SLC8A1: variants seen among roughly 807,000 people sequenced by gnomAD.
The protein encoded by SLC8A1 is solute carrier family 8 member A1, also known as sodium/calcium exchanger 1.
A neutral mutation model predicts 68.3 loss-of-function variants in SLC8A1; 18 were observed. The observed-to-expected ratio is 0.26, with a 90% CI of 0.18 to 0.39. The LOEUF is 0.39. SLC8A1 is among the 10% of genes least tolerant of loss of function. The pLI is 1.00. For synonymous variants in SLC8A1, 475 were observed against 415.5 expected (o/e 1.14, Z -1.74); for missense variants, 985 against 1,156.7 (o/e 0.85, Z 2.15).
exon 8 of SLC8A1, chr2:40,107,881 T>G (rs572176042): frequency 5.3e-5 from 8 of 152,322 alleles, no homozygotes; most frequent in African/African-American, 1.9e-4. Flanking sequence ...TTATAAATAT[T>G]TTTTAAAAAT....
intron 2 of SLC8A1, among the ~76,000 whole-genome samples, chr2:40,203,344 G>T (rs959505256): frequency 1.3e-5 from 2 of 152,018 alleles, no homozygotes; most frequent in Admixed American, 6.6e-5. Flanking sequence ...AACAGCTAAA[G>T]AACTTTGTTG....
At chr2:40,168,490 T>A (rs892464850) in intron 4 of SLC8A1, among the ~76,000 whole-genome samples, 1 of 152,212 alleles carries the variant, frequency 6.6e-6, no homozygotes, top group East Asian at 1.9e-4. Context: ...GGCAGCTGTA[T>A]AGATTCTATT....
exon 8 of SLC8A1, chr2:40,097,565 C>T (rs551857477): frequency 6.6e-6 from 1 of 152,056 alleles, no homozygotes; most frequent in East Asian, 1.9e-4. Context: ...TCTCAGGCAG[C>T]ATGCAGGAAG....
intron 2 of SLC8A1, among the ~76,000 whole-genome samples, chr2:40,423,093 G>A (rs1695950996): frequency 6.6e-6 from 1 of 152,054 alleles, no homozygotes; most frequent in African/African-American, 2.4e-5. Context: ...ATGTATTCAG[G>A]TTGGTTTAAG....
intron 2 of SLC8A1, among the ~76,000 whole-genome samples, chr2:40,218,738 A>T (rs191373098): frequency 8.0e-4 from 122 of 151,646 alleles, no homozygotes; most frequent in Admixed American, 3.6e-3. Context: ...AAAAAAAAAA[A>T]ACTAATTAAC....
chr2:40,350,342 G>A (rs1294332659), intron 2 of SLC8A1, among the ~76,000 whole-genome samples: 2 of 151,888 alleles, frequency 1.3e-5, no homozygotes, highest in Non-Finnish European at 2.9e-5. Context: ...TTAGCTGACT[G>A]TGTTGGTGTA....
intron 2 of SLC8A1, among the ~76,000 whole-genome samples, chr2:40,234,371 G>A (rs1233506434): frequency 6.6e-6 from 1 of 151,908 alleles, no homozygotes; most frequent in African/African-American, 2.4e-5. Flanking sequence ...ATTGTGAATG[G>A]GAGTTCACTC....
intron 2 of SLC8A1, among the ~76,000 whole-genome samples, chr2:40,206,537 T>A (rs2055486522): frequency 6.6e-6 from 1 of 152,068 alleles, no homozygotes; most frequent in East Asian, 1.9e-4. Context: ...TAGTTTATCA[T>A]AACAACATAT....
At chr2:40,137,229 AC>A (rs1159666763) in intron 7 of SLC8A1, among the ~76,000 whole-genome samples, 4 of 152,254 alleles carry the variant, frequency 2.6e-5, no homozygotes, top group Non-Finnish European at 4.4e-5. Flanking sequence ...TGGAAGACTG[AC>A]ATTTAGAAAA....
At chr2:40,322,975 ATTCC>A (rs995182319) in intron 2 of SLC8A1, among the ~76,000 whole-genome samples, 1 of 152,170 alleles carries the variant, frequency 6.6e-6, no homozygotes, top group African/African-American at 2.4e-5. Flanking sequence ...GAAGAGGCAT[ATTCC>A]ATTTCATTTT....
At chr2:40,231,801 A>G (rs950699495) in intron 2 of SLC8A1, among the ~76,000 whole-genome samples, 1 of 152,092 alleles carries the variant, frequency 6.6e-6, no homozygotes, top group African/African-American at 2.4e-5. Flanking sequence ...ACCATCACCT[A>G]TATAAGCAAC....
At chr2:40,320,549 C>T (rs184160631) in intron 2 of SLC8A1, among the ~76,000 whole-genome samples, 114 of 152,164 alleles carry the variant, frequency 7.5e-4, no homozygotes, top group Non-Finnish European at 1.3e-3. Flanking sequence ...TAAAATCAGA[C>T]GTTTATTAAA....
chr2:40,475,392 T>G (rs1704228598), intron 1 of SLC8A1, among the ~76,000 whole-genome samples: 1 of 151,946 alleles, frequency 6.6e-6, no homozygotes, highest in African/African-American at 2.4e-5. Context: ...CTCTGCCTCC[T>G]AAAGTGCTGG....
chr2:40,342,947 G>C (rs1668170724), intron 2 of SLC8A1, among the ~76,000 whole-genome samples: 1 of 152,108 alleles, frequency 6.6e-6, no homozygotes, highest in African/African-American at 2.4e-5. Flanking sequence ...GTCCCTCACA[G>C]TGTACAATAA....
intron 2 of SLC8A1, among the ~76,000 whole-genome samples, chr2:40,268,454 G>A (rs1364451505): frequency 6.6e-6 from 1 of 152,154 alleles, no homozygotes. Flanking sequence ...GTCTACAAAT[G>A]GAAGAAATCA....
At chr2:40,346,804 A>C (rs930171900) in intron 2 of SLC8A1, among the ~76,000 whole-genome samples, 1 of 152,180 alleles carries the variant, frequency 6.6e-6, no homozygotes, top group Non-Finnish European at 1.5e-5. Flanking sequence ...TTGTAGCTCA[A>C]TGATCTTTCT....
intron 2 of SLC8A1, among the ~76,000 whole-genome samples, chr2:40,360,760 A>G (rs1301073199): frequency 1.3e-5 from 2 of 151,956 alleles, no homozygotes; most frequent in Non-Finnish European, 2.9e-5. Context: ...AGAGCCCACT[A>G]CTCCATGAGA....
chr2:40,289,067 C>G (rs945969961), intron 2 of SLC8A1, among the ~76,000 whole-genome samples: 1 of 151,212 alleles, frequency 6.6e-6, no homozygotes, highest in Non-Finnish European at 1.5e-5. Flanking sequence ...AGTTTCAGAA[C>G]TAAATGTAAT....
intron 1 of SLC8A1, among the ~76,000 whole-genome samples, chr2:40,448,554 G>A (rs986472690): frequency 6.6e-6 from 1 of 152,148 alleles, no homozygotes; most frequent in South Asian, 2.1e-4. Context: ...GAAATCCACT[G>A]GTTTTGTTAG....
Sources: allele counts gnomAD v4.1 joint callset (sites outside exome capture counted in the v4.1 genomes callset), GRCh38; gene constraint gnomAD v4.1.1; transcripts MANE v1.5; gene names NCBI Gene and HGNC (gene_info 2026-07-23, HGNC 2026-07-21).